The following HEATR5A variants were observed in gnomAD, a reference collection of about 807,000 sequenced individuals.
HEATR5A encodes HEAT repeat containing 5A.
In HEATR5A, 178 loss-of-function variants were observed where a neutral mutation model predicts 218.8. The ratio of observed to expected loss-of-function variants is 0.81; its 90% CI spans 0.72 to 0.92. The LOEUF (loss-of-function observed/expected upper bound fraction) is 0.92. Ranked by LOEUF, HEATR5A falls within the 40% of genes least tolerant of loss-of-function variation. The pLI, the probability that HEATR5A is intolerant of heterozygous loss-of-function variation, is 0.00. For missense variants in HEATR5A, 2,420 were observed against 2,418.9 expected (o/e 1.00, Z -0.01); for synonymous variants, 864 against 871.6 (o/e 0.99, Z 0.15).
intron 20 of HEATR5A, among the ~76,000 whole-genome samples, 162 bp from the exon 21 acceptor site, chr14:31,344,227 A>G (rs1024326398): frequency 5.3e-5 from 8 of 150,926 alleles, no homozygotes; most frequent in Non-Finnish European, 1.0e-4. Flanking sequence ...CTTCTACAAA[A>G]GTAGGGATAA....
chr14:31,323,893 C>CTAGTCTGAATTTG, intron 23 of HEATR5A, 89 bp from the exon 24 acceptor site: 1 of 851,768 alleles, frequency 1.2e-6, no homozygotes, highest in Non-Finnish European at 1.8e-6. Flanking sequence ...ACTTCAAATT[C>CTAGTCTGAATTTG]AGACTAGAAT....
At chr14:31,298,303 C>T (rs1296906194) in intron 33 of HEATR5A, among the ~76,000 whole-genome samples, 1 of 152,160 alleles carries the variant, frequency 6.6e-6, no homozygotes, top group Non-Finnish European at 1.5e-5. Context: ...AAACATTTAA[C>T]CTGTCATGAC....
At chr14:31,378,885 T>G (rs547901402) in intron 11 of HEATR5A, among the ~76,000 whole-genome samples, 45 of 152,178 alleles carry the variant, frequency 3.0e-4, no homozygotes, top group Non-Finnish European at 5.6e-4. Context: ...AATTACTTTA[T>G]AGGTGTCAAA....
chr14:31,384,110 A>T (rs1248442742), intron 9 of HEATR5A, among the ~76,000 whole-genome samples: 1 of 152,170 alleles, frequency 6.6e-6, no homozygotes, highest in Non-Finnish European at 1.5e-5. Flanking sequence ...TTTGGTACTA[A>T]AAATTAAAAG....
chr14:31,357,465 C>T (rs933604619), intron 16 of HEATR5A, among the ~76,000 whole-genome samples: 28 of 152,112 alleles, frequency 1.8e-4, no homozygotes, highest in African/African-American at 5.3e-4. Flanking sequence ...TGAATCAGTG[C>T]GGATGACAGT....
In HEATR5A at chr14:31,409,339, T is replaced by C. The variant is rs867814257; in HGVS notation, c.-74-6290A>G. 1.1e-3 allele frequency among the ~76,000 whole-genome samples: 156 copies of C among 147,750 alleles called. 2 individuals carry two copies. The highest frequency in any genetic ancestry group is 3.4e-3 in the Middle Eastern group (1 of 292). On this transcript the variant is annotated intron_variant, in intron 1 of 35. Coordinates refer to ENST00000543095, the MANE Select transcript of HEATR5A (RefSeq NM_015473.4). ...CTGGGATTACAGGCGTGAGCCACCA[T>C]GCCCGGCCTCAGAGTTTTCTTTTCT...
intron 22 of HEATR5A, among the ~76,000 whole-genome samples, chr14:31,335,953 C>T (rs1900635929): frequency 7.0e-6 from 1 of 143,256 alleles, no homozygotes; most frequent in Admixed American, 7.4e-5. Context: ...CTGTGACCAG[C>T]CAGGGTGTAA....
At chr14:31,309,225 A>G (rs774657995) in intron 28 of HEATR5A, 43 bp from the exon 29 acceptor site, 3 of 1,590,166 alleles carry the variant, frequency 1.9e-6, no homozygotes, top group Admixed American at 3.5e-5. Context: ...TTAACTTCCA[A>G]TATATTTTCT....
chr14:31,371,923 C>G lies in HEATR5A; in HGVS notation c.1862-14G>C, dbSNP rs1902050172. 7.4e-7 allele frequency: 1 copy of G among 1,346,634 alleles called. No homozygotes were observed. The highest frequency in any genetic ancestry group is 1.0e-6 in the Non-Finnish European group (1 of 972,410). The allele number at this position is 1,346,634 out of a possible 1,614,324, so 83.4% of individuals were successfully genotyped here. ...AGCTCTTGATAGCTGAAAAGGAAAA[C>G]AGACTTTTACTTGGGCATACTGTAA... On this transcript the variant is annotated splice_polypyrimidine_tract_variant and intron_variant, in intron 12 of 35. Coordinates refer to ENST00000543095, the MANE Select transcript of HEATR5A (RefSeq NM_015473.4).
intron 4 of HEATR5A, among the ~76,000 whole-genome samples, chr14:31,395,847 T>C (rs1393448841): frequency 6.6e-6 from 1 of 152,256 alleles, no homozygotes; most frequent in Non-Finnish European, 1.5e-5. Flanking sequence ...TTGGTAGCTA[T>C]ACTTTGTTAT....
At position 31,318,289 on chromosome 14, in the gene HEATR5A, C is replaced by T. The variant is rs771471655; in HGVS notation, c.3973G>A (p.Gly1325Arg). ...GTGAAGGCTGGTCTAAGCGCTGCTC[C>T]TACCTGGCAAGAAATTACATGACAT... is the stretch of plus-strand genomic sequence containing the variant. ...VILEQYQANV[G>R]AALRPAFTSE... The change falls in exon 26 of 36, where the codon GGA (glycine) becomes AGA (arginine). Residue 1325 changes from glycine to arginine, a missense_variant. Transcript: ENST00000543095. The T allele has an allele frequency of 1.2e-6, 2 of 1,613,304 alleles. No individual in the cohort carries two copies. The highest frequency in any genetic ancestry group is 1.7e-6 in the Non-Finnish European group (2 of 1,179,350).
intron 3 of HEATR5A, 50 bp downstream of exon 3, chr14:31,400,251 C>A (rs1279155635): frequency 1.2e-5 from 15 of 1,239,822 alleles, no homozygotes; most frequent in Non-Finnish European, 1.7e-5. Flanking sequence ...CATAAAAATA[C>A]AACAGGAAGC....
chr14:31,344,006 G>C lies in HEATR5A; in HGVS notation c.3118C>G (p.Gln1040Glu), dbSNP rs762189490. 1.9e-6 allele frequency: 3 copies of C among 1,609,976 alleles called. No individual in the cohort carries two copies. The highest frequency in any genetic ancestry group is 2.5e-6 in the Non-Finnish European group (3 of 1,178,050). Residue 1040 changes from glutamine (Q) to glutamate (E), a missense_variant, in exon 21 of 36, where the codon CAA (glutamine) becomes GAA (glutamate). Gln to Glu is a conservative substitution (Grantham distance 29). Coordinates refer to ENST00000543095, the MANE Select transcript of HEATR5A (RefSeq NM_015473.4). ...TGAACAAGGCAGTCTGGGTTATCTT[G>C]CATTACTGCACAACCCAGTAGACAG... ...TSCLLGCAVM[Q>E]DNPDCLVQAQ...
chr14:31,398,632 T>C (rs981199865), intron 4 of HEATR5A, 41 bp downstream of exon 4: 10 of 1,069,662 alleles, frequency 9.3e-6, no homozygotes, highest in Non-Finnish European at 1.4e-5. Context: ...ACCAATAAAA[T>C]GCTGTCTTTT....
At position 31,323,675 on chromosome 14, in the gene HEATR5A, C is replaced by G. The variant is rs745888730; in HGVS notation, c.3677G>C (p.Arg1226Thr). The part of the protein sequence containing the change: ...HPFTNPRWAT[R>T]VFAAECVCRI... ...ACAGACACATTCAGCAGCAAAGACTCTAGTAGCCCATCGGGGATTGGTAAA... is the reference window on the plus strand; with the variant it reads ...ACAGACACATTCAGCAGCAAAGACTGTAGTAGCCCATCGGGGATTGGTAAA... Residue 1226 changes from arginine to threonine, a missense_variant, in exon 24 of 36, where the codon AGA (arginine) becomes ACA (threonine). Physicochemically the swap from Arg to Thr is moderately conservative, Grantham distance 71 (BLOSUM62 -1). Transcript: ENST00000543095. 3 of 1,613,706 alleles carry G rather than the reference C, an allele frequency of 1.9e-6. No individual in the cohort carries two copies. The highest frequency in any genetic ancestry group is 2.2e-5 in the South Asian group (2 of 91,076).
chr14:31,343,876 G>C lies in HEATR5A; in HGVS notation c.3228+20C>G. ...TTCAAATAAAAGAAACTAAGAGCTC[G>C]TTTACAATTCTATACTCACACAGAG... On this transcript the variant is annotated intron_variant, in intron 21 of 35. Transcript: ENST00000543095. 5.2e-6 allele frequency: 8 copies of C among 1,533,686 alleles called. No individual in the cohort carries two copies. Among genetic ancestry groups the C allele is most frequent in the Non-Finnish European group, 6.1e-6 (7 of 1,140,518 alleles).
Position 31,412,103 on chromosome 14 carries a change from G to A in HEATR5A, c.-75+8369C>T, listed in dbSNP as rs139407904. 2.3e-3 allele frequency among the ~76,000 whole-genome samples: 350 copies of A among 152,042 alleles called. 13 individuals are homozygous for A. In the East Asian group the frequency reaches 0.055, roughly 24 times the overall value. On this transcript the variant is annotated intron_variant, in intron 1 of 35. Coordinates refer to ENST00000543095, the MANE Select transcript of HEATR5A (RefSeq NM_015473.4). ...ACTCCTGGCCTCAAGTGATCTGCCC[G>A]TCTTGGCCTCCCAAAGTGCTGGGAT...
chr14:31,319,057 GTATTTC>G (rs1900003605), intron 25 of HEATR5A, among the ~76,000 whole-genome samples: 1 of 152,162 alleles, frequency 6.6e-6, no homozygotes, highest in Non-Finnish European at 1.5e-5. Flanking sequence ...AGTTCTAATT[GTATTTC>G]TAGCACTTGC....
Position 31,313,100 on chromosome 14 carries a change from A to G in HEATR5A, c.4309T>C (p.Cys1437Arg), listed in dbSNP as rs776942944. 12 of 1,613,902 alleles carry G rather than the reference A, an allele frequency of 7.4e-6. No individual in the cohort carries two copies. Among genetic ancestry groups the G allele is most frequent in the South Asian group, 2.2e-5 (2 of 91,086 alleles). The change falls in exon 28 of 36, where the codon TGT becomes CGT. Residue 1437 changes from cysteine (C) to arginine (R), a missense_variant. Cys to Arg is a radical substitution (Grantham distance 180). Coordinates refer to ENST00000543095, the MANE Select transcript of HEATR5A (RefSeq NM_015473.4). ...AAGTCAAGCAGTCCATCTGATGAAC[A>G]TGATCCATTTCTGATACCGTCTTCT... is the stretch of plus-strand genomic sequence containing the variant. ...CLEDGIRNGSCSSDGLLDLVY... is the reference protein window; with the variant it reads ...CLEDGIRNGSRSSDGLLDLVY...
Sources: allele counts gnomAD v4.1 joint callset (sites outside exome capture counted in the v4.1 genomes callset), GRCh38; gene constraint gnomAD v4.1.1; transcripts MANE v1.5; gene names NCBI Gene and HGNC (gene_info 2026-07-23, HGNC 2026-07-21).